GLB1L2: variants seen among roughly 807,000 people sequenced by gnomAD.
GLB1L2 encodes the protein galactosidase beta 1 like 2.
In GLB1L2, 68 loss-of-function variants were observed where a neutral mutation model predicts 84.1. The ratio of observed to expected loss-of-function variants is 0.81; its 90% CI spans 0.67 to 0.99. The LOEUF is 0.99. Among genes scored for constraint, GLB1L2 ranks in the 50% least tolerant of loss-of-function variants. GLB1L2 has a pLI of 0.00. For synonymous variants in GLB1L2, 290 were observed against 318.0 expected, an observed-to-expected ratio of 0.91 and a Z score of 0.94; for missense variants, 762 against 805.6, an observed-to-expected ratio of 0.95 and a Z score of 0.66.
intron 5 of GLB1L2, among the ~76,000 whole-genome samples, chr11:134,350,742 G>T (rs1943616361): frequency 6.6e-6 from 1 of 152,126 alleles, no homozygotes; most frequent in Admixed American, 6.6e-5. Flanking sequence ...TATTTTGTTT[G>T]TAATGTACAA....
rs1409179750 is a variant in GLB1L2, at chr11:134,370,013, A to G, written c.1108+128A>G. 2.6e-6 allele frequency: 2 copies of G among 782,312 alleles called. No individual in the cohort carries two copies. The highest frequency in any genetic ancestry group is 4.3e-6 in the Non-Finnish European group (2 of 470,128). 48.5% of individuals were successfully genotyped at this position (782,312 alleles called of 1,614,324 possible). On this transcript the variant is annotated intron_variant, in intron 11 of 18. Transcript: ENST00000535456. The surrounding 1 kb of genome is among the most constrained non-coding windows in gnomAD (Gnocchi z 4.7). The stretch of plus-strand genomic sequence containing the variant: ...ATCTGCGTGCAAGAATATCCTAGAC[A>G]AGGACAGGGAGGTGTGTGAGGCTGT...
rs780771094 is a variant in GLB1L2 at position 134,373,806 on chromosome 11, G to A, written c.1593G>A (p.Gln531=). 3 of 1,602,904 alleles carry A rather than the reference G, an allele frequency of 1.9e-6. No homozygotes were observed. The highest frequency in any genetic ancestry group is 2.6e-6 in the Non-Finnish European group (3 of 1,170,018). The change falls in exon 16 of 19, where the codon CAG becomes CAA. Residue 531 remains glutamine, a splice_region_variant and synonymous_variant. Transcript: ENST00000535456. ...YSLDMKKSFF[Q]RFGLDKWSSL... ...TGGATATGAAGAAGAGCTTCTTTCAGAGGTGGGTCCCTGCCCAGCACCAGC... is the reference window on the plus strand; with the variant it reads ...TGGATATGAAGAAGAGCTTCTTTCAAAGGTGGGTCCCTGCCCAGCACCAGC...
chr11:134,354,631 T>A (rs1325016167), intron 5 of GLB1L2, among the ~76,000 whole-genome samples: 3 of 152,144 alleles, frequency 2.0e-5, no homozygotes, highest in African/African-American at 7.2e-5. Context: ...TTGCTGGATA[T>A]AGAAGTGTCA....
At chr11:134,368,567 GGA>G in intron 9 of GLB1L2, 75 bp from the exon 10 acceptor site, 1 of 1,497,344 alleles carries the variant, frequency 6.7e-7, no homozygotes. Flanking sequence ...CTGGGAAAGA[GGA>G]GAGTAGTGAA....
chr11:134,336,206 T>A (rs1943385218), intron 1 of GLB1L2, among the ~76,000 whole-genome samples: 1 of 152,216 alleles, frequency 6.6e-6, no homozygotes. Flanking sequence ...CTTGTTCCTT[T>A]CAAGCACAGA....
chr11:134,373,583 C>A (rs1943985073), intron 15 of GLB1L2, 138 bp from the exon 16 acceptor site: 1 of 665,328 alleles, frequency 1.5e-6, no homozygotes, highest in African/African-American at 1.8e-5. Flanking sequence ...ACTTCAGTAC[C>A]CCTCACCCCA....
At chr11:134,372,712 G>T (rs1401749537) in intron 15 of GLB1L2, 1 of 152,222 alleles carries the variant, frequency 6.6e-6, no homozygotes, top group African/African-American at 2.4e-5. Flanking sequence ...AACTTGAAGA[G>T]CTCTTATTGG....
intron 1 of GLB1L2, among the ~76,000 whole-genome samples, chr11:134,332,436 C>G (rs946453102): frequency 6.6e-6 from 1 of 152,090 alleles, no homozygotes. Flanking sequence ...CTCTGCCCCC[C>G]GTGGACGCCC....
rs1943877798 is a variant in GLB1L2 at position 134,367,251 on chromosome 11, G to A, written c.805-6G>A. On this transcript the variant is annotated splice_polypyrimidine_tract_variant and splice_region_variant and intron_variant, in intron 8 of 18. Transcript: ENST00000535456. ...GCTTGTCTAACTCTCATTTTGTGGT[G>A]TCCAGGGGACTCAGCCCAAGATGGT... 1 of 1,613,384 alleles carries A rather than the reference G, an allele frequency of 6.2e-7. No individual in the cohort carries two copies. The highest frequency in any genetic ancestry group is 2.2e-5 in the East Asian group (1 of 44,870).
chr11:134,369,707 T>C, intron 10 of GLB1L2, 98 bp from the exon 11 acceptor site: 1 of 1,001,626 alleles, frequency 1.0e-6, no homozygotes, highest in South Asian at 1.7e-5. Context: ...ATGGCTGAGA[T>C]GAAGACCTGT....
At position 134,356,491 on chromosome 11, in the gene GLB1L2, T is replaced by C. The variant is rs1242320402; in HGVS notation, c.651+98T>C. On this transcript the variant is annotated intron_variant, in intron 6 of 18. Coordinates refer to ENST00000535456, the MANE Select transcript of GLB1L2 (RefSeq NM_001370461.1). The stretch of plus-strand genomic sequence containing the variant: ...GGGTCTAATATTTTTCTCATATTAA[T>C]ACATCCTCCAACATCATGTATTAGT... 3 of 784,856 alleles carry C rather than the reference T, an allele frequency of 3.8e-6. No individual in the cohort carries two copies. In the East Asian group the frequency reaches 7.4e-5, roughly 19 times the overall value. 48.6% of individuals were successfully genotyped at this position (784,856 alleles called of 1,614,324 possible).
chr11:134,367,161 G>C, intron 8 of GLB1L2, 96 bp from the exon 9 acceptor site: 1 of 1,035,936 alleles, frequency 9.7e-7, no homozygotes, highest in Non-Finnish European at 1.5e-6. Context: ...GGGAAGAGTA[G>C]AGAGGGCAGA....
chr11:134,332,133 C>G lies in GLB1L2; in HGVS notation c.72C>G (p.Phe24Leu), dbSNP rs950795280. The change falls in exon 1 of 19, where the codon TTC becomes TTG. Residue 24 changes from phenylalanine (F) to leucine (L), a missense_variant. Transcript: ENST00000535456. ...TCCTGCTGCTGGTCGTCTTGGGCTT[C>G]CTGGTGCTCCGCAGGTGAGAGAGAG... ...LGLLLLVVLG[F>L]LVLRRLDWST... 6.3e-7 allele frequency: 1 copy of G among 1,580,126 alleles called. No individual in the cohort carries two copies. The highest frequency in any genetic ancestry group is 2.4e-5 in the East Asian group (1 of 42,448).
At chr11:134,360,783 CTT>C (rs951380760) in intron 7 of GLB1L2, 27 of 152,148 alleles carry the variant, frequency 1.8e-4, no homozygotes, top group African/African-American at 6.0e-4. Flanking sequence ...ATTTTCAACT[CTT>C]TGACTTTTTC....
At chr11:134,356,250 C>A (rs1310964076) in intron 5 of GLB1L2, 51 bp from the exon 6 acceptor site, 1 of 1,435,930 alleles carries the variant, frequency 7.0e-7, no homozygotes, top group Admixed American at 1.7e-5. Context: ...GGGTTGGATA[C>A]TACAGTTCCC....
At position 134,367,292 on chromosome 11, in the gene GLB1L2, G is replaced by A. The variant is rs1382294071; in HGVS notation, c.840G>A (p.Thr280=). ...CCAAGATGGTGATGGAGTACTGGAC[G>A]GGGTGGTTTGACTCGTGGGGAGGCC... The part of the protein sequence containing the change: ...TQPKMVMEYW[T]GWFDSWGGPH... Residue 280 remains threonine, a synonymous_variant, in exon 9 of 19, where the codon ACG becomes ACA. Coordinates refer to ENST00000535456, the MANE Select transcript of GLB1L2 (RefSeq NM_001370461.1). 7 of 1,614,120 alleles carry A rather than the reference G, an allele frequency of 4.3e-6. No homozygotes were observed. The highest frequency in any genetic ancestry group is 3.3e-5 in the South Asian group (3 of 91,070).
chr11:134,374,006 C>T (rs562649292), intron 16 of GLB1L2, 139 bp from the exon 17 acceptor site: 25 of 745,768 alleles, frequency 3.4e-5, no homozygotes, highest in African/African-American at 1.6e-4. Flanking sequence ...AGCATCCTAC[C>T]GTGCTGCCAT....
At chr11:134,352,895 G>A (rs1591616484) in intron 5 of GLB1L2, among the ~76,000 whole-genome samples, 1 of 152,034 alleles carries the variant, frequency 6.6e-6, no homozygotes, top group African/African-American at 2.4e-5. Context: ...TGATCCGCCC[G>A]CCTTGGCCTC....
chr11:134,370,246 A>G lies in GLB1L2; in HGVS notation c.1109-47A>G, dbSNP rs1459853826. Reference sequence around the variant, plus strand: ...AGCCGGGTGGGGAGGACGAGCAGGCAGTGACATTTGGGTCCGTTGGGGGTG... The same window carrying G: ...AGCCGGGTGGGGAGGACGAGCAGGCGGTGACATTTGGGTCCGTTGGGGGTG... On this transcript the variant is annotated intron_variant, in intron 11 of 18. Coordinates refer to ENST00000535456, the MANE Select transcript of GLB1L2 (RefSeq NM_001370461.1). The surrounding 1 kb of genome is among the most constrained non-coding windows in gnomAD (Gnocchi z 4.7). 6.7e-7 allele frequency: 1 copy of G among 1,499,022 alleles called. No homozygotes were observed. Among genetic ancestry groups the G allele is most frequent in the Non-Finnish European group, 9.3e-7 (1 of 1,075,514 alleles). The allele number at this position is 1,499,022 out of a possible 1,614,324, so 92.9% of individuals were successfully genotyped here. A position where few individuals can be genotyped will look rare whatever the true frequency, so the allele number is the denominator to read the frequency against.
Sources: gnomAD v4.1 joint callset for allele counts (sites outside exome capture counted in the v4.1 genomes callset) on GRCh38, gnomAD v4.1.1 for gene constraint, Gnocchi (gnomAD v3.1) non-coding constraint, MANE v1.5 for transcripts, NCBI Gene and HGNC (gene_info 2026-07-23, HGNC 2026-07-21) for gene names.